The following TJAP1 variants were observed in gnomAD, a reference collection of about 807,000 sequenced individuals.
TJAP1 encodes the protein tight junction associated protein 1.
TJAP1 carries 27 observed loss-of-function variants against 42.0 expected under a neutral mutation model. The observed-to-expected ratio is 0.64, with a 90% CI of 0.47 to 0.89. The LOEUF (loss-of-function observed/expected upper bound fraction) is 0.89. Among genes scored for constraint, TJAP1 ranks in the 40% least tolerant of loss-of-function variants. The pLI is 0.00. For synonymous variants in TJAP1, 257 were observed against 288.4 expected (o/e 0.89, Z 1.10); for missense variants, 712 against 726.9 (o/e 0.98, Z 0.24).
At chr6:43,482,101 A>G (rs1446673630) in intron 2 of TJAP1, among the ~76,000 whole-genome samples, 4 of 152,276 alleles carry the variant, frequency 2.6e-5, no homozygotes, top group Non-Finnish European at 4.4e-5. Flanking sequence ...ATCTTAGGAT[A>G]GTGTATTTTA....
At chr6:43,482,572 CCTT>C (rs1299385829) in intron 2 of TJAP1, among the ~76,000 whole-genome samples, 5 of 152,158 alleles carry the variant, frequency 3.3e-5, no homozygotes, top group African/African-American at 4.8e-5. Context: ...CCTTGAGTGC[CCTT>C]CTTCTGTGCT....
chr6:43,494,557 T>C (rs1224351174), intron 2 of TJAP1, among the ~76,000 whole-genome samples: 2 of 133,728 alleles, frequency 1.5e-5, no homozygotes, highest in Admixed American at 1.7e-4. Flanking sequence ...TATCTGGTAG[T>C]CCAACATCCT....
Position 43,505,842 on chromosome 6 carries a change from A to G in TJAP1, c.1661A>G (p.Asn554Ser), listed in dbSNP as rs1792267939. 2.0e-6 allele frequency: 3 copies of G among 1,474,390 alleles called. No homozygotes were observed. The highest frequency in any genetic ancestry group is 2.7e-6 in the Non-Finnish European group (3 of 1,117,218). 91.3% of individuals were successfully genotyped at this position (1,474,390 alleles called of 1,614,324 possible). A position where few individuals can be genotyped will look rare whatever the true frequency, so the allele number is the denominator to read the frequency against. The change falls in exon 11 of 11, where the codon AAC becomes AGC. Residue 554 changes from asparagine to serine, a missense_variant. By Grantham distance (46) the Asn-to-Ser change is conservative. This residue lies in a region of TJAP1 where 549 missense variants were observed against 528.2 expected (regional missense o/e 1.04). Transcript: ENST00000372449. This position sits in a 1 kb window ranked among gnomAD's most constrained non-coding sequence, Gnocchi z 5.5. ...CTGACCCAGGCCCAGGAGCAGGGCA[A>G]CCTGCTCAACTAGGGCCCCTGCTGG...
intron 2 of TJAP1, among the ~76,000 whole-genome samples, chr6:43,486,651 C>T (rs1428167887): frequency 3.3e-5 from 5 of 152,120 alleles, no homozygotes; most frequent in East Asian, 1.9e-4. Flanking sequence ...CCACCATGCC[C>T]GGCTCCAGTA....
At chr6:43,489,242 C>T (rs1192992416) in intron 2 of TJAP1, among the ~76,000 whole-genome samples, 1 of 152,194 alleles carries the variant, frequency 6.6e-6, no homozygotes, top group African/African-American at 2.4e-5. Flanking sequence ...AGAGTTGTTT[C>T]TGCCGTTGAT....
rs1791958521 is a variant in TJAP1, at chr6:43,505,005, C to T, written c.824C>T (p.Ala275Val). ...AGTGAGGGTGTCCCAGGTGATCCAGCCAGTCCCCCGGCCCCTGGCAGCCCC... is the reference window on the plus strand; with the variant it reads ...AGTGAGGGTGTCCCAGGTGATCCAGTCAGTCCCCCGGCCCCTGGCAGCCCC... The change falls in exon 11 of 11, where the codon GCC (alanine) becomes GTC (valine). Residue 275 changes from alanine (A) to valine (V), a missense_variant. Around this residue, in one of 3 missense-constraint regions of TJAP1, gnomAD observed 549 missense variants for 528.2 expected, o/e 1.04. Transcript: ENST00000372449. The surrounding 1 kb of genome is among the most constrained non-coding windows in gnomAD (Gnocchi z 5.5). 1.2e-6 allele frequency: 2 copies of T among 1,613,962 alleles called. No homozygotes were observed. Among genetic ancestry groups the T allele is most frequent in the Admixed American group, 1.7e-5 (1 of 60,008 alleles).
chr6:43,481,492 C>CA lies in TJAP1; in HGVS notation c.-122+3269dup, dbSNP rs60527357. On this transcript the variant is annotated intron_variant, in intron 2 of 10. Transcript: ENST00000372449. ...AAATAGCAAGACATCACCCCCCCCC[C>CA]AAAAAAAAACTTAACAGTCAATGTC... Among the ~76,000 whole-genome samples, 687 of 136,808 alleles carry CA rather than the reference C, an allele frequency of 5.0e-3. 5 individuals are homozygous for CA. The highest frequency in any genetic ancestry group is 0.019 in the Middle Eastern group (5 of 270). The allele number at this position is 136,808 out of a possible 152,430, so 89.8% of individuals were successfully genotyped here. A position where few individuals can be genotyped will look rare whatever the true frequency, so the allele number is the denominator to read the frequency against.
At chr6:43,488,821 G>A (rs17287935) in intron 2 of TJAP1, among the ~76,000 whole-genome samples, 1 of 152,110 alleles carries the variant, frequency 6.6e-6, no homozygotes, top group Non-Finnish European at 1.5e-5. Context: ...GTCAGGCCTT[G>A]GCCTATTTGA....
chr6:43,502,499 G>A, intron 7 of TJAP1, 89 bp from the exon 8 acceptor site: 2 of 1,526,140 alleles, frequency 1.3e-6, no homozygotes. Flanking sequence ...TGCTCTGCAA[G>A]TCAAGACTGT....
chr6:43,500,793 A>G (rs761679972), intron 5 of TJAP1, 21 bp downstream of exon 5: 3 of 1,613,864 alleles, frequency 1.9e-6, no homozygotes, highest in African/African-American at 2.7e-5. Context: ...GCTACCTGAG[A>G]TACTGCCCTG....
chr6:43,495,120 GAGA>G lies in TJAP1; in HGVS notation c.-121-2760_-121-2758del, dbSNP rs1788812653. 6.6e-6 allele frequency among the ~76,000 whole-genome samples: 1 copy of G among 152,254 alleles called. No homozygotes were observed. Among genetic ancestry groups the G allele is most frequent in the African/African-American group, 2.4e-5 (1 of 41,468 alleles). ...CAACTTGGGAAACCTTTGGGTGAAG[GAGA>G]TGTGGCCAGGGGAGGCTGCACCTGG... is the stretch of plus-strand genomic sequence containing the variant. On this transcript the variant is annotated intron_variant, in intron 2 of 10. Transcript: ENST00000372449. The surrounding 1 kb of genome is among the most constrained non-coding windows in gnomAD (Gnocchi z 4.6).
intron 10 of TJAP1, 171 bp downstream of exon 10, chr6:43,503,877 G>A: frequency 1.4e-6 from 1 of 724,278 alleles, no homozygotes; most frequent in East Asian, 2.7e-5. Context: ...GGTGTCCCGT[G>A]TACTGTCCAG....
intron 2 of TJAP1, among the ~76,000 whole-genome samples, chr6:43,488,600 AG>A (rs1323503124): frequency 6.6e-6 from 1 of 152,222 alleles, no homozygotes; most frequent in African/African-American, 2.4e-5. Context: ...ATATTAGTGC[AG>A]TGAGAGTCCC....
intron 5 of TJAP1, chr6:43,501,077 A>T (rs1790412339): frequency 2.2e-6 from 1 of 457,442 alleles, no homozygotes; most frequent in Non-Finnish European, 3.9e-6. Flanking sequence ...CCACCCTTAC[A>T]GCCCTTTAGC....
exon 11 of TJAP1, chr6:43,506,120 TTC>T (rs1395398511): frequency 5.8e-6 from 2 of 345,298 alleles, no homozygotes; most frequent in East Asian, 4.4e-5. Context: ...CTCAAGACCT[TTC>T]CTCCAATCAG....
At chr6:43,498,832 C>T in intron 3 of TJAP1, 146 bp from the exon 4 acceptor site, 1 of 770,752 alleles carries the variant, frequency 1.3e-6, no homozygotes, top group Non-Finnish European at 2.0e-6. Context: ...TAAGTCCTGC[C>T]CCTCTAGTGA....
chr6:43,503,090 G>T (rs538701220), intron 8 of TJAP1: 3 of 473,570 alleles, frequency 6.3e-6, no homozygotes, highest in Non-Finnish European at 1.1e-5. Context: ...AGTTACTGCC[G>T]TTGAGGTACC....
rs186237119 is a variant in TJAP1, at chr6:43,496,201, C to G, written c.-121-1680C>G. Among the ~76,000 whole-genome samples, 219 of 152,258 alleles carry G rather than the reference C, an allele frequency of 1.4e-3. 1 individual carries two copies. The highest frequency in any genetic ancestry group is 4.8e-3 in the African/African-American group (198 of 41,538). On this transcript the variant is annotated intron_variant, in intron 2 of 10. Transcript: ENST00000372449. The stretch of plus-strand genomic sequence containing the variant: ...AGCTCTTGACTGCTCGCATCTCTCA[C>G]TCTTCCATCTCTGGCCATACCCTGT...
exon 11 of TJAP1, chr6:43,504,887 T>G: frequency 6.2e-7 from 1 of 1,614,216 alleles, no homozygotes; most frequent in Non-Finnish European, 8.5e-7. Context: ...TGCCCGAGTG[T>G]TAGAGAAGCC....
Sources: allele counts gnomAD v4.1 joint callset (sites outside exome capture counted in the v4.1 genomes callset), GRCh38; gene constraint gnomAD v4.1.1; regional missense constraint gnomAD v4.1.1; non-coding constraint Gnocchi (gnomAD v3.1); transcripts MANE v1.5; gene names NCBI Gene and HGNC (gene_info 2026-07-23, HGNC 2026-07-21).